The following PAK3 variants were observed in gnomAD, a reference collection of about 807,000 sequenced individuals.
The protein encoded by PAK3 is p21 (RAC1) activated kinase 3, also known as serine/threonine-protein kinase PAK 3.
A neutral mutation model predicts 41.0 loss-of-function variants in PAK3; 4 were observed. The ratio of observed to expected loss-of-function variants is 0.10; its 90% CI spans 0.05 to 0.22. The LOEUF (loss-of-function observed/expected upper bound fraction) is 0.22, where lower values mean the gene tolerates loss of function less well. Among genes scored for constraint, PAK3 ranks in the 10% least tolerant of loss-of-function variants. PAK3 has a pLI of 1.00. For missense variants in PAK3, 205 were observed against 409.9 expected (o/e 0.50, Z 4.32); for synonymous variants, 146 against 139.6 (o/e 1.05, Z -0.32).
chrX:111,085,209 G>T (rs2092871905), intron 1 of PAK3, among the ~76,000 whole-genome samples: 1 of 111,125 alleles, frequency 9.0e-6, no homozygotes, highest in Admixed American at 9.6e-5. Flanking sequence ...AAATTCCCAA[G>T]CCAGAAAAAA....
Position 111,162,821 on chromosome X carries a change from T to C in PAK3, c.469-94T>C, listed in dbSNP as rs991628607. 9.5e-6 allele frequency: 8 copies of C among 842,505 alleles called. No individual in the cohort carries two copies. In the African/African-American group the frequency reaches 1.4e-4, roughly 15 times the overall value. The allele number at this position is 842,505 out of a possible 1,213,427, so 69.4% of individuals were successfully genotyped here. On this transcript the variant is annotated intron_variant, in intron 8 of 17. Transcript: ENST00000372007. ...GAAAGATGTAGTTTCCTCCTATCCC[T>C]ACATGCTTAAATATTTCATTTCCCT...
chrX:111,070,129 C>G (rs954578331), intron 1 of PAK3, among the ~76,000 whole-genome samples: 1 of 111,471 alleles, frequency 9.0e-6, no homozygotes, highest in African/African-American at 3.3e-5. Flanking sequence ...AACAAACAAA[C>G]AAACAAACAA....
At chrX:111,029,409 G>T (rs781160810) in intron 1 of PAK3, among the ~76,000 whole-genome samples, 1 of 111,317 alleles carries the variant, frequency 9.0e-6, no homozygotes, top group African/African-American at 3.3e-5. Flanking sequence ...CTAATAGCCC[G>T]CCATTGACCA....
At chrX:111,011,610 G>A (rs954611492) in intron 1 of PAK3, among the ~76,000 whole-genome samples, 1 of 112,287 alleles carries the variant, frequency 8.9e-6, no homozygotes, top group African/African-American at 3.2e-5. Context: ...TTCAGAAATT[G>A]TAAATTTTCC....
intron 10 of PAK3, among the ~76,000 whole-genome samples, chrX:111,172,673 T>A (rs1222303228): frequency 9.0e-6 from 1 of 111,497 alleles, no homozygotes; most frequent in Non-Finnish European, 1.9e-5. Flanking sequence ...AGATTTTTTT[T>A]ATATCCTAAT....
intron 1 of PAK3, among the ~76,000 whole-genome samples, chrX:111,037,568 A>G (rs1160543416): frequency 1.8e-5 from 2 of 111,702 alleles, no homozygotes; most frequent in Non-Finnish European, 3.8e-5. Flanking sequence ...TAACCCTGGC[A>G]AGAAACTAAA....
intron 1 of PAK3, among the ~76,000 whole-genome samples, chrX:111,039,074 G>A (rs2092428130): frequency 8.9e-6 from 1 of 112,016 alleles, no homozygotes; most frequent in African/African-American, 3.2e-5. Context: ...TAACTTTTCA[G>A]TAGATATTTT....
chrX:110,964,169 C>T (rs908888395), intron 1 of PAK3, among the ~76,000 whole-genome samples: 1 of 111,844 alleles, frequency 8.9e-6, no homozygotes, highest in Non-Finnish European at 1.9e-5. Context: ...AAACTGAGTT[C>T]AAGGAGGTTA....
intron 4 of PAK3, among the ~76,000 whole-genome samples, chrX:111,108,574 G>A (rs1232337184): frequency 8.9e-6 from 1 of 112,400 alleles, no homozygotes; most frequent in Non-Finnish European, 1.9e-5. Context: ...CACAGGCAAG[G>A]GATCTAGGTT....
chrX:111,193,838 C>CT (rs757492355), intron 13 of PAK3, among the ~76,000 whole-genome samples: 1 of 111,886 alleles, frequency 8.9e-6, no homozygotes, highest in Non-Finnish European at 1.9e-5. Flanking sequence ...TTCTAGGCTG[C>CT]TTTCCATAAA....
chrX:110,960,024 A>G (rs1376264009), intron 1 of PAK3, among the ~76,000 whole-genome samples: 4 of 111,541 alleles, frequency 3.6e-5, no homozygotes, highest in Non-Finnish European at 7.5e-5. Flanking sequence ...ACTTTTCCTA[A>G]ATGTTTAATA....
intron 5 of PAK3, among the ~76,000 whole-genome samples, chrX:111,124,689 T>G (rs2093623645): frequency 9.0e-6 from 1 of 111,417 alleles, no homozygotes; most frequent in South Asian, 3.8e-4. Context: ...TGCCAATACT[T>G]CAGGTGACCT....
chrX:110,974,120 C>T (rs2091274690), intron 1 of PAK3, among the ~76,000 whole-genome samples: 1 of 111,258 alleles, frequency 9.0e-6, no homozygotes, highest in Non-Finnish European at 1.9e-5. Flanking sequence ...TAATGGGAGA[C>T]TTTAACACCC....
chrX:110,999,986 GT>G (rs971575940), intron 1 of PAK3, among the ~76,000 whole-genome samples: 2 of 111,150 alleles, frequency 1.8e-5, no homozygotes, highest in African/African-American at 6.5e-5. Flanking sequence ...ATATATAAAA[GT>G]TTTTTTAAAA....
At chrX:111,162,005 A>G (rs1197233004) in intron 8 of PAK3, among the ~76,000 whole-genome samples, 1 of 111,850 alleles carries the variant, frequency 8.9e-6, no homozygotes, top group African/African-American at 3.2e-5. Context: ...TTGCATCAGG[A>G]TCACCTGGAA....
At chrX:110,972,425 C>T (rs779594872) in intron 1 of PAK3, among the ~76,000 whole-genome samples, 6 of 111,791 alleles carry the variant, frequency 5.4e-5, no homozygotes, top group South Asian at 3.8e-4. Context: ...AAAGAGGGTC[C>T]GGAGTGGATC....
intron 1 of PAK3, among the ~76,000 whole-genome samples, chrX:111,028,537 G>A (rs1361817771): frequency 9.0e-6 from 1 of 110,979 alleles, no homozygotes; most frequent in Non-Finnish European, 1.9e-5. Flanking sequence ...TTTAGTATAA[G>A]GGAAAAATAA....
intron 1 of PAK3, among the ~76,000 whole-genome samples, chrX:110,960,130 T>C (rs2090948195): frequency 8.9e-6 from 1 of 111,978 alleles, no homozygotes; most frequent in Non-Finnish European, 1.9e-5. Context: ...TCTGGACTTA[T>C]GGTTCCTTCA....
intron 4 of PAK3, among the ~76,000 whole-genome samples, chrX:111,118,734 A>G (rs973645249): frequency 4.5e-5 from 5 of 111,634 alleles, no homozygotes; most frequent in African/African-American, 1.6e-4. Context: ...AAATATAAAA[A>G]TAAATAGTTA....
Sources: gnomAD v4.1 joint callset for allele counts (sites outside exome capture counted in the v4.1 genomes callset) on GRCh38, gnomAD v4.1.1 for gene constraint, MANE v1.5 for transcripts, NCBI Gene and HGNC (gene_info 2026-07-23, HGNC 2026-07-21) for gene names.